Variants in CAPN2 observed in about 807,000 individuals in gnomAD.
The protein encoded by CAPN2 is calpain-2 catalytic subunit.
In CAPN2, 92 loss-of-function variants were observed where a neutral mutation model predicts 102.3. The ratio of observed to expected loss-of-function variants is 0.90; its 90% CI spans 0.76 to 1.07. The LOEUF (loss-of-function observed/expected upper bound fraction) is 1.07. Among genes scored for constraint, CAPN2 ranks in the 50% least tolerant of loss-of-function variants. The probability of loss-of-function intolerance (pLI) is 0.00; values close to 1 mark genes in which losing one functional copy is unlikely to be tolerated. For synonymous variants in CAPN2, 340 were observed against 355.4 expected (o/e 0.96, Z 0.49); for missense variants, 800 against 909.4 (o/e 0.88, Z 1.55).
chr1:223,708,670 C>G (rs1393417313), upstream of CAPN2, among the ~76,000 whole-genome samples: 3 of 151,540 alleles, frequency 2.0e-5, no homozygotes, highest in East Asian at 5.9e-4. Context: ...ACTCAGGAGG[C>G]TGAGGCAGGA....
rs767641554 is a variant in CAPN2, at chr1:223,717,801, ACCCG to A, written c.279_282del (p.Arg94GlnfsTer22). Reference sequence around the variant, plus strand: ...CCCCCAGTTTATCATTGGAGGAGCCACCCGCACAGACATCTGCCAAGGAGCCCTG... The same window carrying A: ...CCCCCAGTTTATCATTGGAGGAGCCACACAGACATCTGCCAAGGAGCCCTG... On this transcript the variant is annotated frameshift_variant, in exon 2 of 21. Coordinates refer to ENST00000295006, the MANE Select transcript of CAPN2 (RefSeq NM_001748.5). LOFTEE classifies it high-confidence loss of function. 4 of 1,613,996 alleles carry A rather than the reference ACCCG, an allele frequency of 2.5e-6. No homozygotes were observed. The highest frequency in any genetic ancestry group is 3.4e-6 in the Non-Finnish European group (4 of 1,179,966).
Position 223,752,786 on chromosome 1 carries a change from C to G in CAPN2, c.975-10C>G. 1 of 1,613,850 alleles carries G rather than the reference C, an allele frequency of 6.2e-7. No homozygotes were observed. Among genetic ancestry groups the G allele is most frequent in the African/African-American group, 1.3e-5 (1 of 75,048 alleles). On this transcript the variant is annotated splice_polypyrimidine_tract_variant and intron_variant, in intron 8 of 20. Coordinates refer to ENST00000295006, the MANE Select transcript of CAPN2 (RefSeq NM_001748.5). Reference sequence around the variant, plus strand: ...TTATCACCTGTGATGATTGTCTCTGCTTTTGCCAGGATGTCTTTCAGTGAC... The same window carrying G: ...TTATCACCTGTGATGATTGTCTCTGGTTTTGCCAGGATGTCTTTCAGTGAC...
At chr1:223,749,926 C>G (rs1296356083) in intron 6 of CAPN2, among the ~76,000 whole-genome samples, 1 of 152,122 alleles carries the variant, frequency 6.6e-6, no homozygotes, top group Non-Finnish European at 1.5e-5. Context: ...GGGAGGATCA[C>G]TTGAGCCCAG....
At chr1:223,742,379 C>T (rs531414318) in intron 2 of CAPN2, among the ~76,000 whole-genome samples, 40 of 151,102 alleles carry the variant, frequency 2.6e-4, no homozygotes, top group Admixed American at 6.6e-4. Context: ...GTGACAAGAG[C>T]GAGACTGTCT....
chr1:223,713,060 GGGGGACTCCC>G (rs1280448597), intron 1 of CAPN2, among the ~76,000 whole-genome samples, 183 bp downstream of exon 1: 1 of 152,220 alleles, frequency 6.6e-6, no homozygotes, highest in Non-Finnish European at 1.5e-5. Flanking sequence ...TTCGAGCGTG[GGGGGACTCCC>G]GGGGCCTTCC....
rs1660231843 is a variant in CAPN2, at chr1:223,727,583, G to A, written c.307+9752G>A. 6.6e-6 allele frequency among the ~76,000 whole-genome samples: 1 copy of A among 152,236 alleles called. No homozygotes were observed. On this transcript the variant is annotated intron_variant, in intron 2 of 20. Transcript: ENST00000295006. This position sits in a 1 kb window ranked among gnomAD's most constrained non-coding sequence, Gnocchi z 4.1. ...CTGGTGCAAGGGAGTGGCCGGATGG[G>A]AGGTAGGAATAGCAGTGGTAATCAG...
At chr1:223,747,291 C>A in intron 5 of CAPN2, 126 bp downstream of exon 5, 3 of 875,754 alleles carry the variant, frequency 3.4e-6, no homozygotes, top group Non-Finnish European at 4.9e-6. Flanking sequence ...ACGTAGGGGC[C>A]AAAGGAAAAC....
At chr1:223,748,894 C>G (rs1660816130) in intron 5 of CAPN2, 145 bp from the exon 6 acceptor site, 1 of 728,726 alleles carries the variant, frequency 1.4e-6, no homozygotes, top group East Asian at 2.7e-5. Flanking sequence ...TGCAAGAAAG[C>G]GCAGCCCTGA....
chr1:223,748,297 G>A (rs1035810359), intron 5 of CAPN2, among the ~76,000 whole-genome samples: 5 of 152,176 alleles, frequency 3.3e-5, no homozygotes, highest in Admixed American at 1.3e-4. Context: ...TGGTCTCTGC[G>A]GGGGACAGAG....
chr1:223,744,839 C>T (rs6674846), intron 3 of CAPN2, among the ~76,000 whole-genome samples: 35,734 of 151,722 alleles, frequency 0.24, 7,176 homozygotes, highest in African/African-American at 0.55. Flanking sequence ...CCCAGGAGTT[C>T]GAGACCAGCT....
intron 10 of CAPN2, among the ~76,000 whole-genome samples, chr1:223,757,033 A>G (rs1571811746): frequency 6.6e-6 from 1 of 152,020 alleles, no homozygotes; most frequent in Non-Finnish European, 1.5e-5. Flanking sequence ...GGTGTATTTC[A>G]CCTCGCCTGC....
chr1:223,757,756 A>G (rs986420237), intron 11 of CAPN2: 7 of 276,186 alleles, frequency 2.5e-5, no homozygotes, highest in Non-Finnish European at 4.7e-5. Context: ...ACTAGAAGAC[A>G]ACGCGGGAGC....
At chr1:223,710,222 G>C (rs1009044104), upstream of CAPN2, among the ~76,000 whole-genome samples, 1 of 152,096 alleles carries the variant, frequency 6.6e-6, no homozygotes, top group African/African-American at 2.4e-5. Context: ...GATGCAGTTA[G>C]CTGAGATCGT....
chr1:223,771,874 A>ATCGATTTTGATAATTTTGT lies in CAPN2; in HGVS notation c.1973_1991dup (p.Cys665PhefsTer2). ...TCGGTTTGCAGATGACCAGCTCATC[A>ATCGATTTTGATAATTTTGT]TCGATTTTGATAATTTTGTTCGGTG... On this transcript the variant is annotated frameshift_variant, in exon 19 of 21. Coordinates refer to ENST00000295006, the MANE Select transcript of CAPN2 (RefSeq NM_001748.5). LOFTEE classifies it high-confidence loss of function. The ATCGATTTTGATAATTTTGT allele has an allele frequency of 2.5e-6, 4 of 1,614,168 alleles. No homozygotes were observed. The South Asian group carries it at 4.4e-5, about 18-fold the overall frequency.
chr1:223,761,968 C>T (rs911515868), intron 13 of CAPN2, among the ~76,000 whole-genome samples: 1 of 151,960 alleles, frequency 6.6e-6, no homozygotes. Context: ...TACTCCTTCC[C>T]ACATAATTTA....
chr1:223,725,635 A>C lies in CAPN2; in HGVS notation c.307+7804A>C, dbSNP rs959015079. ...GCTTTAGCACTTGACATTGGCGGCCACCTAAGTTTTGGAGAGGGGTATGAC... is the reference window on the plus strand; with the variant it reads ...GCTTTAGCACTTGACATTGGCGGCCCCCTAAGTTTTGGAGAGGGGTATGAC... On this transcript the variant is annotated intron_variant, in intron 2 of 20. Transcript: ENST00000295006. The surrounding 1 kb of genome is among the most constrained non-coding windows in gnomAD (Gnocchi z 4.1). 6.6e-5 allele frequency among the ~76,000 whole-genome samples: 10 copies of C among 152,100 alleles called. No homozygotes were observed. The highest frequency in any genetic ancestry group is 1.3e-4 in the Non-Finnish European group (9 of 68,000).
Position 223,712,950 on chromosome 1 carries a change from C to G in CAPN2, c.237+73C>G, listed in dbSNP as rs1379710197. On this transcript the variant is annotated intron_variant, in intron 1 of 20. Coordinates refer to ENST00000295006, the MANE Select transcript of CAPN2 (RefSeq NM_001748.5). ...GCGGGGTGCAGGCCGGCCCGCGGCGCGCTGGGGCGGGGGGCAGCCCGGGTG... is the reference window on the plus strand; with the variant it reads ...GCGGGGTGCAGGCCGGCCCGCGGCGGGCTGGGGCGGGGGGCAGCCCGGGTG... 2.6e-6 allele frequency: 3 copies of G among 1,139,018 alleles called. No individual in the cohort carries two copies. The African/African-American group carries it at 4.9e-5, about 19-fold the overall frequency. 70.6% of individuals were successfully genotyped at this position (1,139,018 alleles called of 1,614,324 possible).
At chr1:223,721,281 C>T (rs757454791) in intron 2 of CAPN2, among the ~76,000 whole-genome samples, 6 of 152,204 alleles carry the variant, frequency 3.9e-5, no homozygotes, top group Middle Eastern at 3.2e-3. Context: ...CTAAATATGG[C>T]TCTGAAATCG....
chr1:223,711,679 C>G (rs1359782029), upstream of CAPN2, among the ~76,000 whole-genome samples: 1 of 152,322 alleles, frequency 6.6e-6, no homozygotes, highest in East Asian at 1.9e-4. Flanking sequence ...GGCGCGATCT[C>G]GTCTCACTGC....
Sources: allele counts gnomAD v4.1 joint callset (sites outside exome capture counted in the v4.1 genomes callset), GRCh38; gene constraint gnomAD v4.1.1; non-coding constraint Gnocchi (gnomAD v3.1); transcripts MANE v1.5; gene names NCBI Gene and HGNC (gene_info 2026-07-23, HGNC 2026-07-21).